NAV2: variants seen among roughly 807,000 people sequenced by gnomAD.
NAV2 encodes neuron navigator 2, also known as helicase, APC down-regulated 1.
Under a neutral mutation model 223.2 loss-of-function variants are expected in NAV2, and 54 were observed. That is an observed-to-expected ratio of 0.24 (90% confidence interval 0.19 to 0.30). The LOEUF is 0.30. Among genes scored for constraint, NAV2 ranks in the 10% least tolerant of loss-of-function variants. The probability of loss-of-function intolerance (pLI) is 1.00; values close to 1 mark genes in which losing one functional copy is unlikely to be tolerated. For missense variants in NAV2, 2,806 were observed against 3,147.5 expected, an observed-to-expected ratio of 0.89 and a Z score of 2.60; for synonymous variants, 1,279 against 1,239.3, an observed-to-expected ratio of 1.03 and a Z score of -0.67.
chr11:19,576,559 A>G (rs889345085), intron 1 of NAV2, among the ~76,000 whole-genome samples: 1 of 152,228 alleles, frequency 6.6e-6, no homozygotes, highest in African/African-American at 2.4e-5. Context: ...AATTGCTATA[A>G]TATATAATTG....
At chr11:19,401,987 T>G (rs764095840) in intron 1 of NAV2, 11 of 152,202 alleles carry the variant, frequency 7.2e-5, no homozygotes, top group Admixed American at 1.3e-4. Flanking sequence ...TAGACATGCA[T>G]GCACACAAAT....
intron 1 of NAV2, among the ~76,000 whole-genome samples, chr11:19,426,170 T>G (rs879817803): frequency 1.3e-5 from 2 of 152,128 alleles, no homozygotes. Flanking sequence ...ATTTGACAGC[T>G]TCCTGCCTGG....
intron 1 of NAV2, among the ~76,000 whole-genome samples, chr11:19,689,892 T>C (rs2049119683): frequency 6.6e-6 from 1 of 152,246 alleles, no homozygotes; most frequent in South Asian, 2.1e-4. Flanking sequence ...GACTATCATA[T>C]GAGAATCAAA....
At chr11:19,877,469 T>TCTTTTTTTTTTTTTTCTTTTTTCTTTTC (rs2062910534) in intron 4 of NAV2, among the ~76,000 whole-genome samples, 1 of 117,110 alleles carries the variant, frequency 8.5e-6, no homozygotes, top group Admixed American at 8.7e-5. Flanking sequence ...TTATCTTCAT[T>TCTTTTTTTTTTTTTTCTTTTTTCTTTTC]CTTTTTTTTT....
intron 1 of NAV2, among the ~76,000 whole-genome samples, chr11:19,813,038 C>T (rs11607317): frequency 0.034 from 5,192 of 152,188 alleles, 183 homozygotes; most frequent in Non-Finnish European, 0.041. Flanking sequence ...GCCAATGTCT[C>T]GGTAGCCTTT....
intron 20 of NAV2, among the ~76,000 whole-genome samples, chr11:20,062,933 T>C (rs1207825101): frequency 6.6e-6 from 1 of 152,218 alleles, no homozygotes; most frequent in Non-Finnish European, 1.5e-5. Context: ...GACCTTGTGA[T>C]CCACCCACCT....
At chr11:20,082,504 G>A (rs928293392) in intron 25 of NAV2, 20 of 1,370,720 alleles carry the variant, frequency 1.5e-5, no homozygotes, top group African/African-American at 5.7e-5. Flanking sequence ...CTGAAAGTCC[G>A]AAGCTTTCCC....
rs1287944350 is a variant in NAV2 at position 19,933,445 on chromosome 11, A to G, written c.1201A>G (p.Met401Val). The G allele has an allele frequency of 3.7e-6, 6 of 1,600,140 alleles. No individual in the cohort carries two copies. The highest frequency in any genetic ancestry group is 3.5e-5 in the Admixed American group (2 of 57,390). ...MKPAPNNQKS[M>V]LEKLKLFNSK... Reference sequence around the variant, plus strand: ...GCCGGCCCCCAACAATCAGAAGTCCATGCTGGAAAAGCTGAAACTTTTCAA... The same window carrying G: ...GCCGGCCCCCAACAATCAGAAGTCCGTGCTGGAAAAGCTGAAACTTTTCAA... Residue 401 changes from methionine (M) to valine (V), a missense_variant, in exon 7 of 38, where the codon ATG becomes GTG. By Grantham distance (21) the Met-to-Val change is conservative. Transcript: ENST00000349880. The surrounding 1 kb of genome is among the most constrained non-coding windows in gnomAD (Gnocchi z 4.3).
chr11:20,046,275 G>T (rs2057412337), intron 14 of NAV2, among the ~76,000 whole-genome samples: 1 of 151,378 alleles, frequency 6.6e-6, no homozygotes, highest in African/African-American at 2.4e-5. Flanking sequence ...GGCGGAGGTT[G>T]CAGTGAGCCA....
intron 1 of NAV2, among the ~76,000 whole-genome samples, chr11:19,420,271 A>T (rs1197528812): frequency 6.6e-6 from 1 of 152,230 alleles, no homozygotes; most frequent in African/African-American, 2.4e-5. Context: ...AATTAAAAAG[A>T]TAAAAAAATG....
chr11:19,479,827 G>A (rs559526234), intron 1 of NAV2, among the ~76,000 whole-genome samples: 17 of 152,082 alleles, frequency 1.1e-4, no homozygotes, highest in Non-Finnish European at 2.4e-4. Context: ...TGCCTGCTAC[G>A]CTAACCCCTA....
intron 19 of NAV2, among the ~76,000 whole-genome samples, chr11:20,059,719 C>T (rs772768360): frequency 2.6e-5 from 4 of 152,182 alleles, no homozygotes; most frequent in Non-Finnish European, 5.9e-5. Context: ...TTCACCTCTC[C>T]GAGTTTCAGA....
intron 4 of NAV2, 122 bp from the exon 5 acceptor site, chr11:19,879,747 A>T: frequency 9.0e-7 from 1 of 1,110,806 alleles, no homozygotes; most frequent in Non-Finnish European, 1.3e-6. Context: ...CTGTGATACC[A>T]ATGAAGTGTT....
At chr11:19,975,081 T>G (rs768531382) in intron 10 of NAV2, among the ~76,000 whole-genome samples, 1 of 152,226 alleles carries the variant, frequency 6.6e-6, no homozygotes, top group South Asian at 2.1e-4. Flanking sequence ...TCTAGAGAAC[T>G]GTCTCTTGTG....
intron 1 of NAV2, among the ~76,000 whole-genome samples, chr11:19,667,002 G>A (rs1378012047): frequency 6.6e-6 from 1 of 152,124 alleles, no homozygotes; most frequent in African/African-American, 2.4e-5. Flanking sequence ...TCCTCCAGAA[G>A]GCCCTCCCCA....
intron 1 of NAV2, among the ~76,000 whole-genome samples, chr11:19,777,097 C>A (rs1320444543): frequency 1.3e-5 from 2 of 150,712 alleles, no homozygotes; most frequent in Non-Finnish European, 1.5e-5. Context: ...CCGCCGACCC[C>A]CCCCCCCACC....
intron 11 of NAV2, among the ~76,000 whole-genome samples, chr11:20,024,452 C>G (rs2153540464): frequency 6.6e-6 from 1 of 152,278 alleles, no homozygotes; most frequent in South Asian, 2.1e-4. Flanking sequence ...AACTCTGGGT[C>G]TGCTTCTTAA....
intron 4 of NAV2, among the ~76,000 whole-genome samples, chr11:19,878,649 G>T (rs2063004221): frequency 6.6e-6 from 1 of 152,144 alleles, no homozygotes; most frequent in African/African-American, 2.4e-5. Flanking sequence ...TTCAGAGCCT[G>T]GAGAAAGGGA....
chr11:19,479,408 C>T (rs1018073393), intron 1 of NAV2, among the ~76,000 whole-genome samples: 11 of 152,140 alleles, frequency 7.2e-5, no homozygotes, highest in African/African-American at 2.2e-4. Flanking sequence ...CTGTCATCGG[C>T]AACCATGAGC....
Sources: gnomAD v4.1 joint callset for allele counts (sites outside exome capture counted in the v4.1 genomes callset) on GRCh38, gnomAD v4.1.1 for gene constraint, Gnocchi (gnomAD v3.1) non-coding constraint, MANE v1.5 for transcripts, NCBI Gene and HGNC (gene_info 2026-07-23, HGNC 2026-07-21) for gene names.